Variants in PTPRA observed in about 807,000 individuals in gnomAD.
The protein encoded by PTPRA is receptor-type tyrosine-protein phosphatase alpha.
PTPRA carries 25 observed loss-of-function variants against 104.8 expected under a neutral mutation model. That is an observed-to-expected ratio of 0.24 (90% CI 0.17 to 0.33). The LOEUF is 0.33. Ranked by LOEUF, PTPRA falls within the 10% of genes least tolerant of loss-of-function variation. The pLI, the probability that PTPRA is intolerant of heterozygous loss-of-function variation, is 1.00. For missense variants in PTPRA, 765 were observed against 1,015.3 expected, an observed-to-expected ratio of 0.75 and a Z score of 3.35; for synonymous variants, 323 against 368.9, an observed-to-expected ratio of 0.88 and a Z score of 1.43.
At chr20:2,991,074 C>T (rs540150880) in intron 9 of PTPRA, among the ~76,000 whole-genome samples, 1 of 152,232 alleles carries the variant, frequency 6.6e-6, no homozygotes, top group African/African-American at 2.4e-5. Context: ...CCACATCCTG[C>T]CAGGCACAGT....
Position 3,022,687 on chromosome 20 carries a change from A to G in PTPRA, c.1329-2A>G. Reference sequence around the variant, plus strand: ...CTATAACCCCCTGCTCTCTGGCTACAGTGCAGGTGTAGGGCGTACAGGTAC... The same window carrying G: ...CTATAACCCCCTGCTCTCTGGCTACGGTGCAGGTGTAGGGCGTACAGGTAC... On this transcript the variant is annotated splice_acceptor_variant, in intron 15 of 23. Coordinates refer to ENST00000399903, the MANE Select transcript of PTPRA (RefSeq NM_001385305.1). LOFTEE classifies it high-confidence loss of function. The surrounding 1 kb of genome is among the most constrained non-coding windows in gnomAD (Gnocchi z 4.6). 1 of 1,614,140 alleles carries G rather than the reference A, an allele frequency of 6.2e-7. No homozygotes were observed. The highest frequency in any genetic ancestry group is 8.5e-7 in the Non-Finnish European group (1 of 1,180,000).
chr20:3,027,270 C>T (rs1224344699), intron 19 of PTPRA, 73 bp downstream of exon 19: 2 of 1,410,808 alleles, frequency 1.4e-6, no homozygotes, highest in Non-Finnish European at 2.0e-6. Context: ...GTGCCTCCCT[C>T]CCATACCTGC....
At chr20:2,931,865 T>A (rs1204060024) in intron 2 of PTPRA, among the ~76,000 whole-genome samples, 1 of 152,120 alleles carries the variant, frequency 6.6e-6, no homozygotes, top group Non-Finnish European at 1.5e-5. Flanking sequence ...ACTACAGGCA[T>A]GCACCAATGG....
intron 1 of PTPRA, among the ~76,000 whole-genome samples, chr20:2,898,939 C>G (rs890796056): frequency 1.3e-5 from 2 of 152,206 alleles, no homozygotes; most frequent in African/African-American, 4.8e-5. Flanking sequence ...AACCCTGGTT[C>G]CTTTTATTAG....
At chr20:2,903,728 A>G (rs1413026123) in intron 1 of PTPRA, among the ~76,000 whole-genome samples, 1 of 152,172 alleles carries the variant, frequency 6.6e-6, no homozygotes, top group Non-Finnish European at 1.5e-5. Context: ...TAAAGGCTGA[A>G]TATTAAATAA....
chr20:2,910,592 T>TTC (rs1355715561), intron 1 of PTPRA, among the ~76,000 whole-genome samples: 2 of 126,952 alleles, frequency 1.6e-5, no homozygotes, highest in Non-Finnish European at 3.2e-5. Context: ...TTTTTTTGTT[T>TTC]TTTTTTTGTT....
rs6051527 is a variant in PTPRA, at chr20:3,011,560, G to A, written c.906+4140G>A. 1.2e-3 allele frequency among the ~76,000 whole-genome samples: 177 copies of A among 152,234 alleles called. 3 individuals carry two copies. Among genetic ancestry groups the A allele is most frequent in the African/African-American group, 3.9e-3 (160 of 41,518 alleles). On this transcript the variant is annotated intron_variant, in intron 11 of 23. Coordinates refer to ENST00000399903, the MANE Select transcript of PTPRA (RefSeq NM_001385305.1). ...GTCAGAGTTCAGGAGAAGAAAGTTG[G>A]GCAGAAACTTCAAAGCAAAGGAGAA...
At chr20:2,872,521 C>T (rs1051081554), upstream of PTPRA, among the ~76,000 whole-genome samples, 1 of 152,268 alleles carries the variant, frequency 6.6e-6, no homozygotes, top group African/African-American at 2.4e-5. This position sits in a 1 kb window ranked among gnomAD's most constrained non-coding sequence, Gnocchi z 7.9. Flanking sequence ...CTGCGCGGGT[C>T]TCGGAATGTC....
At chr20:3,009,151 T>C (rs920026719) in intron 11 of PTPRA, among the ~76,000 whole-genome samples, 2 of 152,136 alleles carry the variant, frequency 1.3e-5, no homozygotes, top group African/African-American at 4.8e-5. Flanking sequence ...GAGATGGGAC[T>C]GTGACATGAG....
chr20:2,984,951 C>A (rs2062839705), intron 6 of PTPRA, among the ~76,000 whole-genome samples: 1 of 152,236 alleles, frequency 6.6e-6, no homozygotes, highest in Non-Finnish European at 1.5e-5. Flanking sequence ...CCCCACCCTG[C>A]TTTTTATTCC....
chr20:2,875,396 G>T (rs536407571), intron 1 of PTPRA, among the ~76,000 whole-genome samples: 1 of 152,148 alleles, frequency 6.6e-6, no homozygotes, highest in Non-Finnish European at 1.5e-5. Context: ...GCATTGTAAG[G>T]CATGGTGGGA....
chr20:3,026,769 A>T lies in PTPRA; in HGVS notation c.1697A>T (p.Gln566Leu). ...PANMKKNRVLQIIPYEFNRVI... is the reference protein window; with the variant it reads ...PANMKKNRVLLIIPYEFNRVI... ...AACATGAAGAAGAACCGTGTTTTAC[A>T]GATCATTCCATGTAAGAGCCCTCCC... Residue 566 changes from glutamine to leucine, a missense_variant, in exon 18 of 24, where the codon CAG becomes CTG. Coordinates refer to ENST00000399903, the MANE Select transcript of PTPRA (RefSeq NM_001385305.1). 2.5e-6 allele frequency: 4 copies of T among 1,609,464 alleles called. No individual in the cohort carries two copies. The highest frequency in any genetic ancestry group is 3.4e-6 in the Non-Finnish European group (4 of 1,175,820).
At chr20:3,025,279 C>T (rs1054433841) in intron 17 of PTPRA, among the ~76,000 whole-genome samples, 1 of 151,252 alleles carries the variant, frequency 6.6e-6, no homozygotes, top group Admixed American at 6.6e-5. Flanking sequence ...ATGGTGAAAC[C>T]CCGTCTCTAC....
intron 1 of PTPRA, among the ~76,000 whole-genome samples, chr20:2,890,893 T>A (rs556418074): frequency 6.6e-6 from 1 of 152,298 alleles, no homozygotes; most frequent in East Asian, 1.9e-4. Context: ...TGTCCATGGT[T>A]TCAGCTTCCT....
intron 9 of PTPRA, among the ~76,000 whole-genome samples, chr20:2,996,994 TA>T (rs1424590520): frequency 1.3e-5 from 2 of 152,180 alleles, no homozygotes; most frequent in African/African-American, 4.8e-5. Flanking sequence ...GCATTATTTA[TA>T]ATAGCAAAGA....
chr20:2,884,390 T>C (rs2090250790), intron 1 of PTPRA, among the ~76,000 whole-genome samples: 1 of 152,188 alleles, frequency 6.6e-6, no homozygotes, highest in Non-Finnish European at 1.5e-5. Context: ...GGGTCCAGTT[T>C]CTCCCAGCAA....
intron 11 of PTPRA, among the ~76,000 whole-genome samples, chr20:3,007,748 G>A (rs1022578104): frequency 6.6e-6 from 1 of 151,864 alleles, no homozygotes; most frequent in African/African-American, 2.4e-5. Flanking sequence ...TAAAAATAAG[G>A]GAGAACAGGA....
chr20:3,036,138 T>C (rs949610516), intron 22 of PTPRA, among the ~76,000 whole-genome samples, 197 bp downstream of exon 22: 5 of 152,074 alleles, frequency 3.3e-5, no homozygotes, highest in Admixed American at 2.6e-4. Flanking sequence ...GCACAATAAG[T>C]GCTAGGGGAC....
In PTPRA at chr20:3,022,836, G is replaced by C. The variant is rs779994113; in HGVS notation, c.1464+12G>C. 6.2e-7 allele frequency: 1 copy of C among 1,614,152 alleles called. No homozygotes were observed. Among genetic ancestry groups the C allele is most frequent in the Non-Finnish European group, 8.5e-7 (1 of 1,180,010 alleles). On this transcript the variant is annotated intron_variant, in intron 16 of 23. Transcript: ENST00000399903. The surrounding 1 kb of genome is among the most constrained non-coding windows in gnomAD (Gnocchi z 4.6). ...TGGTGCAAACCGATGTGAGTGATCT[G>C]TGGGTCAGGTGAGGGTGGGGGGTTC...
Sources: gnomAD v4.1 joint callset for allele counts (sites outside exome capture counted in the v4.1 genomes callset) on GRCh38, gnomAD v4.1.1 for gene constraint, Gnocchi (gnomAD v3.1) non-coding constraint, MANE v1.5 for transcripts, NCBI Gene and HGNC (gene_info 2026-07-23, HGNC 2026-07-21) for gene names.